Variants in CRTC1 observed in about 807,000 individuals in gnomAD.
The protein encoded by CRTC1 is CREB regulated transcription coactivator 1.
CRTC1 carries 18 observed loss-of-function variants against 66.1 expected under a neutral mutation model. The observed-to-expected ratio is 0.27, with a 90% confidence interval of 0.19 to 0.40. The LOEUF is 0.40. CRTC1 is among the 10% of genes least tolerant of loss of function. CRTC1 has a pLI of 1.00. For synonymous variants in CRTC1, 416 were observed against 398.8 expected (o/e 1.04, Z -0.51); for missense variants, 669 against 887.9 (o/e 0.75, Z 3.13).
chr19:18,744,199 G>A, intron 2 of CRTC1: 1 of 1,595,024 alleles, frequency 6.3e-7, no homozygotes, highest in Non-Finnish European at 8.6e-7. Flanking sequence ...CCCGGCGCCA[G>A]CCTGCAAGAC....
At chr19:18,714,260 C>A (rs1173800155) in intron 1 of CRTC1, among the ~76,000 whole-genome samples, 2 of 152,112 alleles carry the variant, frequency 1.3e-5, no homozygotes, top group African/African-American at 4.8e-5. Context: ...CCCAGTGGGT[C>A]CAGGCGGGCG....
chr19:18,683,910 GT>G (rs1292934381), intron 1 of CRTC1, 82 bp downstream of exon 1: 1 of 158,548 alleles, frequency 6.3e-6, no homozygotes, highest in African/African-American at 2.6e-5. Flanking sequence ...ACGGGGCGGG[GT>G]GGGGGGGGGC....
intron 5 of CRTC1, among the ~76,000 whole-genome samples, chr19:18,751,588 G>A (rs2054364557): frequency 1.3e-5 from 2 of 152,178 alleles, no homozygotes; most frequent in African/African-American, 2.4e-5. Context: ...TCCAAGGAAA[G>A]GCACTTTCAG....
chr19:18,744,543 CAGG>C (rs2054188340), intron 2 of CRTC1, among the ~76,000 whole-genome samples: 1 of 152,192 alleles, frequency 6.6e-6, no homozygotes, highest in Non-Finnish European at 1.5e-5. Flanking sequence ...TCTCCCAAAC[CAGG>C]CCAGCAGGCA....
In CRTC1 at chr19:18,780,845, G is replaced by A. The variant is rs887129882; in HGVS notation, c.*3463G>A. 3 of 223,460 alleles carry A rather than the reference G, an allele frequency of 1.3e-5. No individual in the cohort carries two copies. Among genetic ancestry groups the A allele is most frequent in the African/African-American group, 6.7e-5 (3 of 44,762 alleles). 13.8% of individuals were successfully genotyped at this position (223,460 alleles called of 1,614,324 possible). A position where few individuals can be genotyped will look rare whatever the true frequency, so the allele number is the denominator to read the frequency against. ...CTGCCCAGCATCCCAGGCCTGAACA[G>A]CCTTGGCAGGACCCGTCCCTAGAGG... On this transcript the variant is annotated 3_prime_UTR_variant, in exon 14 of 14. Transcript: ENST00000321949.
chr19:18,727,409 A>C (rs887381754), intron 1 of CRTC1, among the ~76,000 whole-genome samples: 1 of 151,494 alleles, frequency 6.6e-6, no homozygotes, highest in African/African-American at 2.4e-5. Context: ...GTGAAACCCT[A>C]TCTCTACTAA....
At chr19:18,729,666 G>A (rs2053842324) in intron 1 of CRTC1, among the ~76,000 whole-genome samples, 1 of 152,076 alleles carries the variant, frequency 6.6e-6, no homozygotes, top group Admixed American at 6.6e-5. Flanking sequence ...GCTTGAGCCT[G>A]GAAGGTTGAG....
At position 18,731,138 on chromosome 19, in the gene CRTC1, A is replaced by T. The variant is rs143565960; in HGVS notation, c.127-11772A>T. On this transcript the variant is annotated intron_variant, in intron 1 of 13. Coordinates refer to ENST00000321949, the MANE Select transcript of CRTC1 (RefSeq NM_015321.3). ...ACTACAGGTGTGTGCCAATGTGCTC[A>T]GCCTGGGCTAATTTTCTTAGGCTGC... 3.5e-3 allele frequency among the ~76,000 whole-genome samples: 538 copies of T among 152,334 alleles called. 2 individuals carry two copies. Among genetic ancestry groups the T allele is most frequent in the Middle Eastern group, 0.01 (3 of 294 alleles).
intron 1 of CRTC1, among the ~76,000 whole-genome samples, chr19:18,726,795 GGGT>G (rs761675310): frequency 1.1e-4 from 16 of 152,042 alleles, no homozygotes; most frequent in Non-Finnish European, 2.4e-4. Flanking sequence ...GTGTGATGGT[GGGT>G]GCCTGTAATC....
At position 18,718,871 on chromosome 19, in the gene CRTC1, A is replaced by G. The variant is rs1369613507; in HGVS notation, c.127-24039A>G. ...GTCACTTGTTGAGGAACCGCCATAC[A>G]GATTGGGGGTTTATTTTAAATAGGA... On this transcript the variant is annotated intron_variant, in intron 1 of 13. Coordinates refer to ENST00000321949, the MANE Select transcript of CRTC1 (RefSeq NM_015321.3). 4.6e-5 allele frequency among the ~76,000 whole-genome samples: 7 copies of G among 152,258 alleles called. No homozygotes were observed. The East Asian group carries it at 1.4e-3, about 29-fold the overall frequency.
chr19:18,754,222 C>T (rs567358958), intron 6 of CRTC1, among the ~76,000 whole-genome samples: 219 of 152,290 alleles, frequency 1.4e-3, no homozygotes, highest in Non-Finnish European at 2.2e-3. Context: ...AAAATCCTTT[C>T]AAAAGGGTTT....
At chr19:18,776,560 G>C (rs576275797) in intron 13 of CRTC1, among the ~76,000 whole-genome samples, 1 of 152,326 alleles carries the variant, frequency 6.6e-6, no homozygotes, top group South Asian at 2.1e-4. Flanking sequence ...CACCCCTCGG[G>C]TGTAGGCAGC....
At position 18,747,046 on chromosome 19, in the gene CRTC1, A is replaced by G; in HGVS notation, c.382-7A>G. On this transcript the variant is annotated splice_region_variant and splice_polypyrimidine_tract_variant and intron_variant, in intron 3 of 13. Transcript: ENST00000321949. ...GCCAGTGGCACTGCCCCCTTAACTC[A>G]CCTCACGCCGACAGCTGCCCCTATG... 3 of 1,605,000 alleles carry G rather than the reference A, an allele frequency of 1.9e-6. No individual in the cohort carries two copies. The highest frequency in any genetic ancestry group is 1.7e-4 in the Middle Eastern group (1 of 6,018).
chr19:18,713,807 G>A (rs1033561664), intron 1 of CRTC1, among the ~76,000 whole-genome samples: 5 of 152,344 alleles, frequency 3.3e-5, no homozygotes, highest in South Asian at 2.1e-4. Context: ...AGCTGCACGC[G>A]CGGGGAGGAG....
chr19:18,737,450 C>T (rs916789550), intron 1 of CRTC1, among the ~76,000 whole-genome samples: 1 of 152,070 alleles, frequency 6.6e-6, no homozygotes, highest in Non-Finnish European at 1.5e-5. Context: ...GGCCATGTGA[C>T]TTCAGTCATG....
chr19:18,717,736 G>A (rs11085241), intron 1 of CRTC1, among the ~76,000 whole-genome samples: 38,072 of 151,934 alleles, frequency 0.25, 5,397 homozygotes, highest in East Asian at 0.6. Context: ...CCGGGTGGGA[G>A]CAGAGCAGGG....
At chr19:18,755,532 C>T (rs1021089258) in intron 6 of CRTC1, among the ~76,000 whole-genome samples, 2 of 149,356 alleles carry the variant, frequency 1.3e-5, no homozygotes, top group African/African-American at 2.5e-5. Context: ...CGGGCTCAGG[C>T]GATCCTCCTG....
At chr19:18,720,779 G>A (rs1175393267) in intron 1 of CRTC1, among the ~76,000 whole-genome samples, 1 of 152,146 alleles carries the variant, frequency 6.6e-6, no homozygotes. Context: ...TGGGATTGCA[G>A]GTGTGAGCTG....
intron 1 of CRTC1, among the ~76,000 whole-genome samples, chr19:18,729,420 C>T (rs1371672711): frequency 2.3e-4 from 33 of 144,054 alleles, no homozygotes; most frequent in South Asian, 8.9e-4. Context: ...AGCGAGACTC[C>T]GTCTCAAAAA....
Sources: gnomAD v4.1 joint callset for allele counts (sites outside exome capture counted in the v4.1 genomes callset) on GRCh38, gnomAD v4.1.1 for gene constraint, MANE v1.5 for transcripts, NCBI Gene and HGNC (gene_info 2026-07-23, HGNC 2026-07-21) for gene names.